The following TESPA1 variants were observed in gnomAD, a reference collection of about 807,000 sequenced individuals.
The protein encoded by TESPA1 is protein TESPA1.
In TESPA1, 33 loss-of-function variants were observed where a neutral mutation model predicts 57.9. The ratio of observed to expected loss-of-function variants is 0.57; its 90% CI spans 0.43 to 0.76. The LOEUF is 0.76. Among genes scored for constraint, TESPA1 ranks in the 30% least tolerant of loss-of-function variants. The pLI, the probability that TESPA1 is intolerant of heterozygous loss-of-function variation, is 0.00. For synonymous variants in TESPA1, 227 were observed against 228.9 expected (o/e 0.99, Z 0.07); for missense variants, 618 against 632.9 (o/e 0.98, Z 0.25).
chr12:54,958,160 A>G (rs1465399531), intron 10 of TESPA1, among the ~76,000 whole-genome samples: 1 of 152,248 alleles, frequency 6.6e-6, no homozygotes, highest in Non-Finnish European at 1.5e-5. Flanking sequence ...ATTGCATTGC[A>G]TAGATTGCCC....
chr12:54,966,295 A>G (rs1282828870), intron 6 of TESPA1, 93 bp downstream of exon 6: 3 of 1,591,314 alleles, frequency 1.9e-6, no homozygotes, highest in Non-Finnish European at 1.7e-6. Context: ...TCTAATGTGA[A>G]TCTTTAGCTC....
intron 3 of TESPA1, 135 bp downstream of exon 3, chr12:54,973,342 C>T: frequency 7.7e-7 from 1 of 1,293,806 alleles, no homozygotes; most frequent in South Asian, 1.3e-5. Context: ...CCCCTCCAAC[C>T]ACCATCTCAA....
At chr12:54,968,236 GA>G (rs906466322) in intron 3 of TESPA1, among the ~76,000 whole-genome samples, 3 of 152,204 alleles carry the variant, frequency 2.0e-5, no homozygotes, top group African/African-American at 7.2e-5. Context: ...TACATTCATA[GA>G]AGCAGGCGTT....
intron 1 of TESPA1, among the ~76,000 whole-genome samples, chr12:54,976,824 T>G (rs1182935263): frequency 6.6e-6 from 1 of 152,184 alleles, no homozygotes; most frequent in Non-Finnish European, 1.5e-5. Context: ...CTATTTTACA[T>G]TCCTCCCACA....
Position 54,949,236 on chromosome 12 carries a change from C to G in TESPA1, c.*1156G>C, listed in dbSNP as rs1950242218. The G allele has an allele frequency of 6.6e-6, 1 of 152,192 alleles. No individual in the cohort carries two copies. Among genetic ancestry groups the G allele is most frequent in the Admixed American group, 6.5e-5 (1 of 15,278 alleles). 9.4% of individuals were successfully genotyped at this position (152,192 alleles called of 1,614,324 possible). ...CTTTTGTCTCTGCCTCACTACGTAT[C>G]AGACTCAGTTTGTGCCTTCTCCCCT... On this transcript the variant is annotated 3_prime_UTR_variant, in exon 11 of 11. Transcript: ENST00000449076.
intron 3 of TESPA1, 102 bp downstream of exon 3, chr12:54,973,375 C>A (rs1951959592): frequency 1.3e-6 from 2 of 1,546,280 alleles, no homozygotes; most frequent in Non-Finnish European, 1.8e-6. Context: ...TCTTTAGGCC[C>A]AAATCAAATC....
chr12:54,957,823 C>T (rs1283989115), intron 10 of TESPA1, among the ~76,000 whole-genome samples: 1 of 152,112 alleles, frequency 6.6e-6, no homozygotes, highest in Non-Finnish European at 1.5e-5. Context: ...TTGTAAGACT[C>T]ATAATTATTT....
chr12:54,963,225 G>A lies in TESPA1; in HGVS notation c.673C>T (p.Gln225Ter). 1.2e-6 allele frequency: 2 copies of A among 1,612,400 alleles called. No homozygotes were observed. Among genetic ancestry groups the A allele is most frequent in the Non-Finnish European group, 1.7e-6 (2 of 1,179,370 alleles). The change falls in exon 9 of 11, where the codon CAA becomes TAA. Residue 225 changes from glutamine to a stop codon, truncating the protein, a stop_gained. Coordinates refer to ENST00000449076, the MANE Select transcript of TESPA1 (RefSeq NM_001136030.3). LOFTEE classifies it high-confidence loss of function. The stretch of plus-strand genomic sequence containing the variant: ...GCATCAGCAGTGACAGCCAGTGTTT[G>A]CACCTGCTTAAACCTGCCTGGGTAC... ...LMLASRFKQV[Q>*]TLAVTADAFF...
At chr12:54,951,419 T>C (rs1373695452) in intron 10 of TESPA1, among the ~76,000 whole-genome samples, 9 of 152,192 alleles carry the variant, frequency 5.9e-5, no homozygotes, top group Non-Finnish European at 8.8e-5. Context: ...GCTAGGTCCT[T>C]ACAGCAATGT....
intron 3 of TESPA1, among the ~76,000 whole-genome samples, chr12:54,971,015 T>G (rs895617303): frequency 6.6e-6 from 1 of 152,206 alleles, no homozygotes; most frequent in Non-Finnish European, 1.5e-5. Flanking sequence ...AGGCATAGTT[T>G]GCAAAGACAT....
intron 3 of TESPA1, among the ~76,000 whole-genome samples, chr12:54,972,925 C>T (rs907398155): frequency 2.0e-5 from 3 of 152,134 alleles, no homozygotes; most frequent in Non-Finnish European, 4.4e-5. Flanking sequence ...AGCCTAAGAA[C>T]GGTACAGGCT....
chr12:54,958,536 C>T (rs1950876714), intron 10 of TESPA1, among the ~76,000 whole-genome samples: 1 of 151,500 alleles, frequency 6.6e-6, no homozygotes, highest in Non-Finnish European at 1.5e-5. Flanking sequence ...TCTGAGCTCT[C>T]TGGATCTGTG....
At chr12:54,963,609 A>G (rs938548256) in intron 8 of TESPA1, 133 bp downstream of exon 8, 8 of 1,010,984 alleles carry the variant, frequency 7.9e-6, no homozygotes, top group South Asian at 6.6e-5. Context: ...TGAAGACAAC[A>G]TAAGAGGAAA....
In TESPA1 at chr12:54,963,158, T is replaced by C. The variant is rs200661843; in HGVS notation, c.740A>G (p.Gln247Arg). The C allele has an allele frequency of 6.2e-7, 1 of 1,613,932 alleles. No homozygotes were observed. The highest frequency in any genetic ancestry group is 1.7e-5 in the Admixed American group (1 of 60,004). Residue 247 changes from glutamine (Q) to arginine (R), a missense_variant, in exon 9 of 11, where the codon CAA becomes CGA. Coordinates refer to ENST00000449076, the MANE Select transcript of TESPA1 (RefSeq NM_001136030.3). ...LYSYVSKTPV[Q>R]KFTPSHMFWN... ...GAACATGTGGGATGGTGTGAACTTT[T>C]GGACAGGTGTCTTAGACACATAGGA...
At chr12:54,951,951 AG>A (rs1347120177) in intron 10 of TESPA1, among the ~76,000 whole-genome samples, 1 of 148,654 alleles carries the variant, frequency 6.7e-6, no homozygotes, top group Non-Finnish European at 1.5e-5. Flanking sequence ...AACTCCAAAA[AG>A]CTCAATTCCT....
chr12:54,950,155 A>G lies in TESPA1; in HGVS notation c.*237T>C, dbSNP rs1950290538. On this transcript the variant is annotated 3_prime_UTR_variant, in exon 11 of 11. Coordinates refer to ENST00000449076, the MANE Select transcript of TESPA1 (RefSeq NM_001136030.3). ...ACAGAGAAATGAAGAGATGTGCCTA[A>G]GGTCTTTGTGCATGCAGCTTGTGGC... The G allele has an allele frequency of 2.4e-6, 1 of 422,488 alleles. No homozygotes were observed. Among genetic ancestry groups the G allele is most frequent in the Non-Finnish European group, 4.7e-6 (1 of 211,006 alleles). The allele number at this position is 422,488 out of a possible 1,614,324, so 26.2% of individuals were successfully genotyped here.
At chr12:54,971,011 A>C (rs567775321) in intron 3 of TESPA1, among the ~76,000 whole-genome samples, 12 of 152,364 alleles carry the variant, frequency 7.9e-5, no homozygotes, top group African/African-American at 2.9e-4. Context: ...GGAGAGGCAT[A>C]GTTTGCAAAG....
rs1053510067 is a variant in TESPA1 at position 54,963,137 on chromosome 12, A to T, written c.761T>A (p.Met254Lys). The change falls in exon 9 of 11, where the codon ATG becomes AAG. Residue 254 changes from methionine to lysine, a missense_variant. By Grantham distance (95) the Met-to-Lys change is moderately conservative. Coordinates refer to ENST00000449076, the MANE Select transcript of TESPA1 (RefSeq NM_001136030.3). ...TPVQKFTPSHMFWNCNHPTDV... is the reference protein window; with the variant it reads ...TPVQKFTPSHKFWNCNHPTDV... Reference sequence around the variant, plus strand: ...AGTTGGATGGTTGCAATTCCAGAACATGTGGGATGGTGTGAACTTTTGGAC... The same window carrying T: ...AGTTGGATGGTTGCAATTCCAGAACTTGTGGGATGGTGTGAACTTTTGGAC... 1 of 1,613,858 alleles carries T rather than the reference A, an allele frequency of 6.2e-7. No individual in the cohort carries two copies. Among genetic ancestry groups the T allele is most frequent in the Non-Finnish European group, 8.5e-7 (1 of 1,179,850 alleles).
intron 10 of TESPA1, among the ~76,000 whole-genome samples, chr12:54,951,502 G>A (rs538281995): frequency 2.0e-5 from 3 of 151,978 alleles, no homozygotes; most frequent in African/African-American, 7.2e-5. Flanking sequence ...TTCCTTCCAG[G>A]GAAATATTTA....
Sources: allele counts gnomAD v4.1 joint callset (sites outside exome capture counted in the v4.1 genomes callset), GRCh38; gene constraint gnomAD v4.1.1; transcripts MANE v1.5; gene names NCBI Gene and HGNC (gene_info 2026-07-23, HGNC 2026-07-21).